The following DHRS12 variants were observed in gnomAD, a reference collection of about 807,000 sequenced individuals.
DHRS12 encodes the protein dehydrogenase/reductase 12, also known as dehydrogenase/reductase SDR family member 12.
A neutral mutation model predicts 32.1 loss-of-function variants in DHRS12; 29 were observed. The observed-to-expected ratio is 0.90, with a 90% CI of 0.67 to 1.23. The LOEUF is 1.23. Among genes scored for constraint, DHRS12 ranks in the 50% most tolerant of loss-of-function variants. The pLI, the probability that DHRS12 is intolerant of heterozygous loss-of-function variation, is 0.00. For synonymous variants in DHRS12, 150 were observed against 135.9 expected (o/e 1.10, Z -0.72); for missense variants, 330 against 337.2 (o/e 0.98, Z 0.17).
the DHRS12 span, chr13:51,755,459 G>A: frequency 6.2e-7 from 1 of 1,613,782 alleles, no homozygotes; most frequent in Non-Finnish European, 8.5e-7. Context: ...GTCTAAGACA[G>A]GTGAGTGATA....
chr13:51,767,778 GGGC>G (rs1297086532), downstream of DHRS12: 75 of 41,794 alleles, frequency 1.8e-3, 8 homozygotes, highest in South Asian at 0.011. Context: ...CCCTCTCCTG[GGGC>G]GGGGGGGGGG....
downstream of DHRS12, chr13:51,766,012 C>T (rs926703493): frequency 5.9e-5 from 9 of 151,850 alleles, no homozygotes; most frequent in Non-Finnish European, 7.4e-5. Flanking sequence ...GGTGAGCTGT[C>T]ACTCACAAAA....
intron 8 of DHRS12, 157 bp downstream of exon 8, chr13:51,768,999 C>T: frequency 1.4e-6 from 2 of 1,426,730 alleles, no homozygotes; most frequent in Admixed American, 3.0e-5. Flanking sequence ...CCAAAACTAA[C>T]CTCAGCAGGC....
intron 8 of DHRS12, 94 bp downstream of exon 8, chr13:51,769,062 C>T (rs1311459533): frequency 1.6e-5 from 24 of 1,535,144 alleles, no homozygotes; most frequent in Non-Finnish European, 2.0e-5. Context: ...GACAGTCCCA[C>T]CCCAGGTTTC....
chr13:51,768,173 G>T lies in DHRS12; in HGVS notation c.*14C>A, dbSNP rs1953836318. Reference sequence around the variant, plus strand: ...TCTAAGGCAATTCTGGTACCGCACTGTGTCTGGGTTGGCCTATTTAAATGT... The same window carrying T: ...TCTAAGGCAATTCTGGTACCGCACTTTGTCTGGGTTGGCCTATTTAAATGT... On this transcript the variant is annotated 3_prime_UTR_variant, in exon 9 of 9. Coordinates refer to ENST00000444610, the MANE Select transcript of DHRS12 (RefSeq NM_001377533.1). 6.5e-7 allele frequency: 1 copy of T among 1,536,040 alleles called. No homozygotes were observed. The highest frequency in any genetic ancestry group is 8.7e-7 in the Non-Finnish European group (1 of 1,146,914).
At chr13:51,769,988 T>C (rs1953938990) in intron 7 of DHRS12, among the ~76,000 whole-genome samples, 1 of 152,064 alleles carries the variant, frequency 6.6e-6, no homozygotes, top group Admixed American at 6.5e-5. Context: ...ACACAGTGTC[T>C]CCACAGTGAG....
rs974387450 is a variant in DHRS12 at position 51,782,431 on chromosome 13, C to T, written c.302-5310G>A. On this transcript the variant is annotated intron_variant, in intron 4 of 8. Transcript: ENST00000444610. This position sits in a 1 kb window ranked among gnomAD's most constrained non-coding sequence, Gnocchi z 4.2. ...GAATCACAGGTGGCTTGGAGGCCAT[C>T]GCGCTATGGGAGCACGGACAGCTGT... is the stretch of plus-strand genomic sequence containing the variant. Among the ~76,000 whole-genome samples the T allele has an allele frequency of 4.6e-5, 7 of 152,150 alleles. No homozygotes were observed. Among genetic ancestry groups the T allele is most frequent in the Non-Finnish European group, 1.0e-4 (7 of 68,020 alleles).
At chr13:51,756,270 A>G in the DHRS12 span, 2 of 1,558,966 alleles carry the variant, frequency 1.3e-6, no homozygotes, top group South Asian at 1.2e-5. Context: ...GAGGGGTGAG[A>G]TGCGGGGGCC....
Position 51,799,712 on chromosome 13 carries a change from G to T in DHRS12, c.-8-45C>A, listed in dbSNP as rs186687008. ...AGGAAGACCAGCTGTAAGGAGTGGGGAACACAAACCCCTGCAGGAGAAAGC... is the reference window on the plus strand; with the variant it reads ...AGGAAGACCAGCTGTAAGGAGTGGGTAACACAAACCCCTGCAGGAGAAAGC... On this transcript the variant is annotated intron_variant, in intron 1 of 8. Transcript: ENST00000444610. 1.8e-3 allele frequency: 2,883 copies of T among 1,603,724 alleles called. 4 individuals carry two copies. Among genetic ancestry groups the T allele is most frequent in the Non-Finnish European group, 1.6e-3 (1,929 of 1,175,602 alleles).
At chr13:51,766,167 G>T (rs918085464), downstream of DHRS12, 42 of 152,226 alleles carry the variant, frequency 2.8e-4, no homozygotes, top group African/African-American at 9.6e-4. Context: ...TTATGGATTT[G>T]TGTCTTACAC....
the DHRS12 span, chr13:51,756,727 G>A: frequency 1.2e-6 from 1 of 803,010 alleles, no homozygotes; most frequent in East Asian, 1.3e-4. Flanking sequence ...GCTGCTCCCA[G>A]AACAAACCCT....
downstream of DHRS12, chr13:51,767,084 C>T (rs1390630209): frequency 2.6e-5 from 4 of 152,250 alleles, no homozygotes; most frequent in East Asian, 1.9e-4. Flanking sequence ...GAAATGACTT[C>T]GGGGCAAACA....
At chr13:51,786,184 A>G (rs1954946472) in intron 4 of DHRS12, among the ~76,000 whole-genome samples, 1 of 152,216 alleles carries the variant, frequency 6.6e-6, no homozygotes. Context: ...CCTGCCAAAG[A>G]GCTAAGGCAC....
At chr13:51,772,823 C>T in intron 6 of DHRS12, 1 of 985,396 alleles carries the variant, frequency 1.0e-6, no homozygotes, top group Non-Finnish European at 1.2e-6. Context: ...TAAAGAAGTG[C>T]AGGTCTTTCA....
chr13:51,802,150 A>G (rs1955784551), intron 1 of DHRS12, among the ~76,000 whole-genome samples: 1 of 150,088 alleles, frequency 6.7e-6, no homozygotes, highest in Non-Finnish European at 1.5e-5. Context: ...ATCAGTCTCT[A>G]GATATCAGTC....
intron 5 of DHRS12, chr13:51,774,362 A>G (rs1954232285): frequency 6.8e-6 from 1 of 147,096 alleles, no homozygotes. Flanking sequence ...ATTCTCCTAC[A>G]GTATTCTCCT....
chr13:51,766,137 C>A, downstream of DHRS12: 1 of 152,236 alleles, frequency 6.6e-6, no homozygotes, highest in East Asian at 1.9e-4. Flanking sequence ...ACCCTAGCGT[C>A]ACTTGTAACC....
intron 6 of DHRS12, among the ~76,000 whole-genome samples, chr13:51,772,112 G>A (rs1305768615): frequency 6.6e-6 from 1 of 152,100 alleles, no homozygotes; most frequent in Non-Finnish European, 1.5e-5. Context: ...CACTCCAAAG[G>A]AGGCCAGAAC....
chr13:51,784,420 A>G (rs1954860258), intron 4 of DHRS12, among the ~76,000 whole-genome samples: 2 of 152,230 alleles, frequency 1.3e-5, no homozygotes, highest in African/African-American at 4.8e-5. Flanking sequence ...TAGCACTGCC[A>G]GTGCCAAGTT....
Sources: allele counts gnomAD v4.1 joint callset (sites outside exome capture counted in the v4.1 genomes callset), GRCh38; gene constraint gnomAD v4.1.1; non-coding constraint Gnocchi (gnomAD v3.1); transcripts MANE v1.5; gene names NCBI Gene and HGNC (gene_info 2026-07-23, HGNC 2026-07-21).